The following SPEF1 variants were observed in gnomAD, a reference collection of about 807,000 sequenced individuals.
SPEF1 encodes the protein sperm flagella and cilia-associated protein 1.
In SPEF1, 30 loss-of-function variants were observed where a neutral mutation model predicts 31.8. That is an observed-to-expected ratio of 0.94 (90% CI 0.70 to 1.28). The LOEUF is 1.28. Ranked by LOEUF, SPEF1 falls within the 50% of genes most tolerant of loss-of-function variation. SPEF1 has a pLI of 0.00. For missense variants in SPEF1, 298 were observed against 309.6 expected (o/e 0.96, Z 0.28); for synonymous variants, 126 against 130.1 (o/e 0.97, Z 0.21).
rs2088768000 is a variant in SPEF1, at chr20:3,779,649, C to T, written c.221+15G>A. Reference sequence around the variant, plus strand: ...GACCATAGGAGATGATGGGGCTGCACAGGTATTCTGCTACCTGTTCAGATG... The same window carrying T: ...GACCATAGGAGATGATGGGGCTGCATAGGTATTCTGCTACCTGTTCAGATG... On this transcript the variant is annotated intron_variant, in intron 2 of 6. Coordinates refer to ENST00000379756, the MANE Select transcript of SPEF1 (RefSeq NM_015417.5). 6.4e-7 allele frequency: 1 copy of T among 1,567,350 alleles called. No homozygotes were observed. Among genetic ancestry groups the T allele is most frequent in the Non-Finnish European group, 8.8e-7 (1 of 1,137,414 alleles).
intron 3 of SPEF1, 93 bp downstream of exon 3, chr20:3,779,103 C>T: frequency 6.4e-7 from 1 of 1,567,142 alleles, no homozygotes; most frequent in Non-Finnish European, 8.6e-7. Context: ...ACCCCTCCCC[C>T]ACACTTATCA....
At chr20:3,780,077 C>T (rs999733110) in intron 1 of SPEF1, among the ~76,000 whole-genome samples, 2 of 152,030 alleles carry the variant, frequency 1.3e-5, no homozygotes, top group East Asian at 1.9e-4. Flanking sequence ...GGGGCTCACA[C>T]CTGTAATCCC....
chr20:3,778,128 G>T lies in SPEF1; in HGVS notation c.*84C>A. On this transcript the variant is annotated 3_prime_UTR_variant, in exon 7 of 7. Coordinates refer to ENST00000379756, the MANE Select transcript of SPEF1 (RefSeq NM_015417.5). ...GAGCAGCGGGCTCCGCCCTCCCAAT[G>T]GTCTATCCATCGGTGGGTGGGTCCG... The T allele has an allele frequency of 1.0e-6, 1 of 991,496 alleles. No homozygotes were observed. Among genetic ancestry groups the T allele is most frequent in the South Asian group, 1.7e-5 (1 of 59,398 alleles). 61.4% of individuals were successfully genotyped at this position (991,496 alleles called of 1,614,324 possible).
rs769254174 is a variant in SPEF1, at chr20:3,779,268, C to A, written c.306G>T (p.Leu102=). ...GGCGCTGCCTCAGCGGGATGAGCAC[C>A]AGCTCCACCACGCCTGGGGCGCACT... ...IAQCAPGVVE[L]VLIPLRQRLE... The change falls in exon 3 of 7, where the codon CTG becomes CTT. Residue 102 remains leucine (L), a synonymous_variant. Transcript: ENST00000379756. 1.3e-6 allele frequency: 2 copies of A among 1,597,662 alleles called. No individual in the cohort carries two copies. Among genetic ancestry groups the A allele is most frequent in the Admixed American group, 3.5e-5 (2 of 57,306 alleles).
chr20:3,779,538 G>C, intron 2 of SPEF1, 126 bp downstream of exon 2: 1 of 896,866 alleles, frequency 1.1e-6, no homozygotes, highest in Non-Finnish European at 1.8e-6. Context: ...TAATAGAAGA[G>C]TCTCTTGATT....
intron 1 of SPEF1, among the ~76,000 whole-genome samples, chr20:3,780,812 C>T (rs1479217193): frequency 2.6e-5 from 4 of 152,252 alleles, no homozygotes; most frequent in African/African-American, 9.6e-5. Flanking sequence ...CTAAACATGT[C>T]AACACATATG....
At chr20:3,779,100 C>T (rs2088764397) in intron 3 of SPEF1, 96 bp downstream of exon 3, 4 of 1,572,630 alleles carry the variant, frequency 2.5e-6, no homozygotes, top group Non-Finnish European at 2.6e-6. Context: ...AGCACCCCTC[C>T]CCCACACTTA....
At chr20:3,778,686 A>G in intron 5 of SPEF1, 60 bp downstream of exon 5, 1 of 1,594,428 alleles carries the variant, frequency 6.3e-7, no homozygotes, top group East Asian at 2.2e-5. Context: ...GTGCCCCCCA[A>G]CCCCAGCTGT....
chr20:3,778,062 T>A lies in SPEF1; in HGVS notation c.*150A>T. On this transcript the variant is annotated 3_prime_UTR_variant, in exon 7 of 7. Coordinates refer to ENST00000379756, the MANE Select transcript of SPEF1 (RefSeq NM_015417.5). ...TCCCATCTCCTCCCACGCTCACCCA[T>A]CCCAAGGAAGGAGGGCACTCGGGCC... The A allele has an allele frequency of 1.6e-6, 1 of 611,310 alleles. No individual in the cohort carries two copies. The highest frequency in any genetic ancestry group is 1.9e-5 in the African/African-American group (1 of 52,548). 37.9% of individuals were successfully genotyped at this position (611,310 alleles called of 1,614,324 possible).
intron 5 of SPEF1, 26 bp from the exon 6 acceptor site, chr20:3,778,570 G>A (rs1394096871): frequency 1.9e-6 from 3 of 1,593,410 alleles, no homozygotes; most frequent in Admixed American, 1.8e-5. Context: ...GCTTAGCGGA[G>A]GCTTGGACCT....
Position 3,781,182 on chromosome 20 carries a change from C to T in SPEF1, c.106G>A (p.Gly36Arg). 6.2e-7 allele frequency: 1 copy of T among 1,614,214 alleles called. No homozygotes were observed. The highest frequency in any genetic ancestry group is 8.5e-7 in the Non-Finnish European group (1 of 1,180,018). ...KRNLSRDFSD[G>R]VLVAEVIKFY... Reference sequence around the variant, plus strand: ...GCAGACACACAAGGGCACACACCTCCATCGCTAAAGTCCCGGGAGAGGTTT... The same window carrying T: ...GCAGACACACAAGGGCACACACCTCTATCGCTAAAGTCCCGGGAGAGGTTT... The change falls in exon 1 of 7, where the codon GGA becomes AGA. Residue 36 changes from glycine (G) to arginine (R), a missense_variant. Coordinates refer to ENST00000379756, the MANE Select transcript of SPEF1 (RefSeq NM_015417.5).
intron 1 of SPEF1, 60 bp from the exon 2 acceptor site, chr20:3,779,835 G>A: frequency 1.8e-6 from 1 of 554,222 alleles, no homozygotes; most frequent in Non-Finnish European, 3.3e-6. Flanking sequence ...GAGGAGGTGA[G>A]AGAAGGTGGG....
intron 6 of SPEF1, 51 bp from the exon 7 acceptor site, chr20:3,778,370 C>T (rs1389349251): frequency 5.6e-6 from 9 of 1,613,460 alleles, no homozygotes; most frequent in Non-Finnish European, 7.6e-6. Flanking sequence ...CCCTCCTGCC[C>T]GGCCTCTGCT....
rs1217423170 is a variant in SPEF1 at position 3,778,550 on chromosome 20, G to A, written c.480-6C>T. On this transcript the variant is annotated splice_polypyrimidine_tract_variant and splice_region_variant and intron_variant, in intron 5 of 6. Coordinates refer to ENST00000379756, the MANE Select transcript of SPEF1 (RefSeq NM_015417.5). ...GCGCCGGCGGCCGGTCCCAGCTGGG[G>A]TGGGAAGCAGCTTAGCGGAGGCTTG... 4 of 1,604,632 alleles carry A rather than the reference G, an allele frequency of 2.5e-6. No homozygotes were observed.
chr20:3,779,629 T>TA, intron 2 of SPEF1, 35 bp downstream of exon 2: 1 of 1,446,516 alleles, frequency 6.9e-7, no homozygotes, highest in Non-Finnish European at 9.7e-7. Flanking sequence ...ACCAAGACCA[T>TA]AGGAGATGAT....
chr20:3,781,342 C>T lies in SPEF1; in HGVS notation c.-55G>A. 1 of 1,580,684 alleles carries T rather than the reference C, an allele frequency of 6.3e-7. No individual in the cohort carries two copies. The highest frequency in any genetic ancestry group is 8.6e-7 in the Non-Finnish European group (1 of 1,164,948). The stretch of plus-strand genomic sequence containing the variant: ...GGTGCCGGGTCCCGCCCCAGCCTCA[C>T]GACCCTTCAGGCGCTTCCTTTCTCG... On this transcript the variant is annotated 5_prime_UTR_variant, in exon 1 of 7. The change creates a new upstream start codon in the 5' untranslated region. Coordinates refer to ENST00000379756, the MANE Select transcript of SPEF1 (RefSeq NM_015417.5).
In SPEF1 at chr20:3,779,301, C is replaced by G. The variant is rs752759846; in HGVS notation, c.273G>C (p.Lys91Asn). ...NFSVPDDVMR[K>N]IAQCAPGVVE... ...CCACGCCTGGGGCGCACTGCGCGATCTTGCGCATCACGTCATCCGGTACTG... is the reference window on the plus strand; with the variant it reads ...CCACGCCTGGGGCGCACTGCGCGATGTTGCGCATCACGTCATCCGGTACTG... The change falls in exon 3 of 7, where the codon AAG (lysine) becomes AAC (asparagine). Residue 91 changes from lysine to asparagine, a missense_variant. By Grantham distance (94) the Lys-to-Asn change is moderately conservative. Coordinates refer to ENST00000379756, the MANE Select transcript of SPEF1 (RefSeq NM_015417.5). The G allele has an allele frequency of 6.2e-6, 10 of 1,600,738 alleles. No individual in the cohort carries two copies. Among genetic ancestry groups the G allele is most frequent in the South Asian group, 1.1e-5 (1 of 88,974 alleles).
At chr20:3,780,247 T>A (rs2088771450) in intron 1 of SPEF1, among the ~76,000 whole-genome samples, 1 of 146,754 alleles carries the variant, frequency 6.8e-6, no homozygotes, top group Admixed American at 7.1e-5. Context: ...GGCAGAAGAA[T>A]CGCTTGAACT....
Position 3,779,208 on chromosome 20 carries a change from G to A in SPEF1, c.366C>T (p.Ala122=), listed in dbSNP as rs758592458. Residue 122 remains alanine, a synonymous_variant, in exon 3 of 7, where the codon GCC becomes GCT. Coordinates refer to ENST00000379756, the MANE Select transcript of SPEF1 (RefSeq NM_015417.5). ...AGCGGGGTGGCACCTGTAAGGAGCC[G>A]GCGCCCTGCTTCCTGCGCCTCTGCC... ...EERQRRRKQG[A]GSLQELAPQD... The A allele has an allele frequency of 5.1e-6, 8 of 1,575,240 alleles. No homozygotes were observed. Among genetic ancestry groups the A allele is most frequent in the East Asian group, 2.3e-5 (1 of 43,084 alleles).
Sources: gnomAD v4.1 joint callset for allele counts (sites outside exome capture counted in the v4.1 genomes callset) on GRCh38, gnomAD v4.1.1 for gene constraint, MANE v1.5 for transcripts, NCBI Gene and HGNC (gene_info 2026-07-23, HGNC 2026-07-21) for gene names.